The following AMOTL1 variants were observed in gnomAD, a reference collection of about 807,000 sequenced individuals.
AMOTL1 encodes angiomotin-like protein 1.
AMOTL1 carries 45 observed loss-of-function variants against 102.9 expected under a neutral mutation model. The observed-to-expected ratio is 0.44, with a 90% CI of 0.34 to 0.56. AMOTL1 has a LOEUF of 0.56. Ranked by LOEUF, AMOTL1 falls within the 20% of genes least tolerant of loss-of-function variation. AMOTL1 has a pLI of 0.01. For missense variants in AMOTL1, 1,114 were observed against 1,225.6 expected (o/e 0.91, Z 1.36); for synonymous variants, 481 against 484.7 (o/e 0.99, Z 0.10).
intron 3 of AMOTL1, among the ~76,000 whole-genome samples, chr11:94,814,682 G>C (rs912570218): frequency 3.3e-5 from 5 of 152,156 alleles, no homozygotes; most frequent in African/African-American, 1.2e-4. Flanking sequence ...AGAGAGGATG[G>C]GAGCCCACAC....
Position 94,870,685 on chromosome 11 carries a change from G to A in AMOTL1, c.2765-4G>A. The A allele has an allele frequency of 1.3e-6, 2 of 1,590,392 alleles. No homozygotes were observed. The highest frequency in any genetic ancestry group is 1.7e-6 in the Non-Finnish European group (2 of 1,166,960). Reference sequence around the variant, plus strand: ...GCAGCTGATGTTTCCCCTCTATTTGGCAGAGAACTCTCCTGGCCATGGGAA... The same window carrying A: ...GCAGCTGATGTTTCCCCTCTATTTGACAGAGAACTCTCCTGGCCATGGGAA... On this transcript the variant is annotated splice_region_variant and splice_polypyrimidine_tract_variant and intron_variant, in intron 12 of 12. Coordinates refer to ENST00000433060, the MANE Select transcript of AMOTL1 (RefSeq NM_130847.3).
In AMOTL1 at chr11:94,780,895, G is replaced by A. The variant is rs113390361; in HGVS notation, c.49+12335G>A. On this transcript the variant is annotated intron_variant, in intron 1 of 12. Transcript: ENST00000433060. ...TTTGCCAAACAAAAACAGAAAGTAT[G>A]GCATGTCCTTTCTTCCTGCTTGGTG... Among the ~76,000 whole-genome samples the A allele has an allele frequency of 5.5e-3, 835 of 152,202 alleles. 4 individuals are homozygous for A. Among genetic ancestry groups the A allele is most frequent in the African/African-American group, 0.019 (790 of 41,522 alleles).
At chr11:94,760,672 G>A (rs1486384686) in intron 3 of AMOTL1, among the ~76,000 whole-genome samples, 1 of 152,112 alleles carries the variant, frequency 6.6e-6, no homozygotes, top group Non-Finnish European at 1.5e-5. Context: ...TAACCCCTCT[G>A]TTATTGCAGT....
At chr11:94,789,556 G>A (rs1026342670) in intron 1 of AMOTL1, among the ~76,000 whole-genome samples, 1 of 152,222 alleles carries the variant, frequency 6.6e-6, no homozygotes, top group Non-Finnish European at 1.5e-5. Flanking sequence ...AGCTAATCCA[G>A]ATGAGCTGGC....
At chr11:94,729,958 A>G (rs576295581) in intron 2 of AMOTL1, among the ~76,000 whole-genome samples, 2 of 152,242 alleles carry the variant, frequency 1.3e-5, no homozygotes, top group East Asian at 3.9e-4. Context: ...CTTCTGCACT[A>G]CACCAGGGTA....
At chr11:94,723,410 A>G (rs1180331041) in intron 1 of AMOTL1, among the ~76,000 whole-genome samples, 1 of 152,168 alleles carries the variant, frequency 6.6e-6, no homozygotes, top group Non-Finnish European at 1.5e-5. Flanking sequence ...AGTCGCTGAG[A>G]GTTCTGCAAA....
At chr11:94,740,887 C>T (rs1432545329) in intron 2 of AMOTL1, 2 of 1,272,500 alleles carry the variant, frequency 1.6e-6, no homozygotes, top group Admixed American at 2.3e-5. Flanking sequence ...TGTGCGGGTT[C>T]GTCCTGAATG....
intron 1 of AMOTL1, among the ~76,000 whole-genome samples, chr11:94,792,140 A>G (rs1951294377): frequency 6.6e-6 from 1 of 152,250 alleles, no homozygotes; most frequent in Non-Finnish European, 1.5e-5. Flanking sequence ...CTATGCAGCC[A>G]TAAAAAAGGA....
At chr11:94,728,669 A>G (rs1375306805) in intron 1 of AMOTL1, among the ~76,000 whole-genome samples, 1 of 152,112 alleles carries the variant, frequency 6.6e-6, no homozygotes, top group Non-Finnish European at 1.5e-5. Context: ...TAAATAGTAA[A>G]TTTCTTGCTC....
chr11:94,807,631 T>C (rs1951588903), intron 3 of AMOTL1, among the ~76,000 whole-genome samples: 1 of 152,208 alleles, frequency 6.6e-6, no homozygotes, highest in Non-Finnish European at 1.5e-5. Context: ...TTCCTTCCAG[T>C]CTTTTTTCTC....
At chr11:94,751,116 G>T (rs966678729) in intron 3 of AMOTL1, among the ~76,000 whole-genome samples, 11 of 152,030 alleles carry the variant, frequency 7.2e-5, no homozygotes, top group African/African-American at 2.4e-4. Flanking sequence ...ATTGGGAATT[G>T]AATAAATATG....
intron 1 of AMOTL1, among the ~76,000 whole-genome samples, chr11:94,722,826 A>T (rs1183261343): frequency 6.6e-6 from 1 of 152,186 alleles, no homozygotes; most frequent in Non-Finnish European, 1.5e-5. Context: ...AAATTCAAAG[A>T]TGGAAGAATA....
intron 8 of AMOTL1, among the ~76,000 whole-genome samples, chr11:94,855,618 G>T (rs28733014): frequency 2.0e-5 from 3 of 152,250 alleles, no homozygotes; most frequent in Non-Finnish European, 4.4e-5. Context: ...TTAATATGCC[G>T]TCCACACCCT....
Position 94,728,824 on chromosome 11 carries a change from C to G in AMOTL1, c.-50-97C>G, listed in dbSNP as rs901608890. ...TTGTGTGCCAAAGGAATGAAATGAGCTAGAAACTGACCACTTTCCTTCAAG... is the reference window on the plus strand; with the variant it reads ...TTGTGTGCCAAAGGAATGAAATGAGGTAGAAACTGACCACTTTCCTTCAAG... On this transcript the variant is annotated intron_variant, in intron 1 of 4. Transcript: ENST00000299004. The G allele has an allele frequency of 6.0e-6, 3 of 502,502 alleles. No homozygotes were observed. In the Admixed American group the frequency reaches 1.1e-4, roughly 18 times the overall value. The allele number at this position is 502,502 out of a possible 1,614,324, so 31.1% of individuals were successfully genotyped here. A position where few individuals can be genotyped will look rare whatever the true frequency, so the allele number is the denominator to read the frequency against.
chr11:94,747,492 G>A (rs1950603255), intron 3 of AMOTL1, among the ~76,000 whole-genome samples: 1 of 152,010 alleles, frequency 6.6e-6, no homozygotes, highest in Non-Finnish European at 1.5e-5. Context: ...ATGTATGCTG[G>A]GTCTTATTAG....
At chr11:94,785,658 C>G (rs1468142218) in intron 1 of AMOTL1, among the ~76,000 whole-genome samples, 2 of 152,112 alleles carry the variant, frequency 1.3e-5, no homozygotes, top group Non-Finnish European at 2.9e-5. Context: ...CTGTGGGATG[C>G]CGCTGCCTGA....
At chr11:94,715,697 T>A (rs894382587) in intron 1 of AMOTL1, among the ~76,000 whole-genome samples, 6 of 152,164 alleles carry the variant, frequency 3.9e-5, no homozygotes, top group Non-Finnish European at 8.8e-5. Flanking sequence ...CTGGCCTTCA[T>A]AGTTTCAAAC....
At chr11:94,803,665 T>C (rs1951519377) in intron 3 of AMOTL1, among the ~76,000 whole-genome samples, 1 of 152,242 alleles carries the variant, frequency 6.6e-6, no homozygotes, top group South Asian at 2.1e-4. Context: ...AGACCACTTC[T>C]AGAAGTAGTG....
At chr11:94,711,170 A>G (rs937958911) in intron 1 of AMOTL1, among the ~76,000 whole-genome samples, 4 of 152,156 alleles carry the variant, frequency 2.6e-5, no homozygotes, top group Non-Finnish European at 5.9e-5. Flanking sequence ...TGTAATTTTA[A>G]TATATGAATT....
Sources: allele counts gnomAD v4.1 joint callset (sites outside exome capture counted in the v4.1 genomes callset), GRCh38; gene constraint gnomAD v4.1.1; transcripts MANE v1.5; gene names NCBI Gene and HGNC (gene_info 2026-07-23, HGNC 2026-07-21).